Variants in CDK16 observed in about 807,000 individuals in gnomAD.
The protein encoded by CDK16 is cyclin-dependent kinase 16.
Under a neutral mutation model 41.6 loss-of-function variants are expected in CDK16, and 2 were observed. The ratio of observed to expected loss-of-function variants is 0.05; its 90% CI spans 0.02 to 0.15. The LOEUF (loss-of-function observed/expected upper bound fraction) is 0.15. Among genes scored for constraint, CDK16 ranks in the 10% least tolerant of loss-of-function variants. The pLI is 1.00. For synonymous variants in CDK16, 169 were observed against 169.7 expected (o/e 1.00, Z 0.03); for missense variants, 228 against 428.9 (o/e 0.53, Z 4.14).
intron 8 of CDK16, 123 bp from the exon 9 acceptor site, chrX:47,226,156 C>A: frequency 8.9e-7 from 1 of 1,120,357 alleles, no homozygotes; most frequent in South Asian, 1.9e-5. Context: ...CACTGGGACC[C>A]TGTCCTCTTT....
chrX:47,222,978 A>C, intron 1 of CDK16: 8 of 524,270 alleles, frequency 1.5e-5, no homozygotes, highest in Middle Eastern at 6.6e-4. Context: ...ACCTGGGTAG[A>C]TGAATGGGAT....
intron 6 of CDK16, among the ~76,000 whole-genome samples, chrX:47,225,494 C>A (rs747000890): frequency 1.8e-5 from 2 of 112,051 alleles, no homozygotes; most frequent in East Asian, 5.6e-4. Flanking sequence ...AAACCAAAAA[C>A]AGGTTGTGAA....
At chrX:47,222,567 C>T (rs1165078590) in intron 1 of CDK16, among the ~76,000 whole-genome samples, 1 of 101,103 alleles carries the variant, frequency 9.9e-6, no homozygotes, top group East Asian at 3.2e-4. Flanking sequence ...AAGGGTGTTC[C>T]AGGTACCAGG....
At chrX:47,223,022 G>C (rs1332131327) in intron 1 of CDK16, 2 of 1,122,237 alleles carry the variant, frequency 1.8e-6, no homozygotes, top group Non-Finnish European at 2.3e-6. Flanking sequence ...GAGTGCTAGA[G>C]AAGTCAGGAA....
At position 47,226,530 on chromosome X, in the gene CDK16, C is replaced by T. The variant is rs1453578934; in HGVS notation, c.917-53C>T. The stretch of plus-strand genomic sequence containing the variant: ...CCCTCAGTCTCAACTGCACTCTCCC[C>T]GAGACTTTGCCCATGACTCCCTCAT... On this transcript the variant is annotated intron_variant, in intron 9 of 15. Coordinates refer to ENST00000357227, the MANE Select transcript of CDK16 (RefSeq NM_006201.5). 8.3e-6 allele frequency: 10 copies of T among 1,200,780 alleles called. No homozygotes were observed. The South Asian group carries it at 1.3e-4, about 15-fold the overall frequency.
rs772418422 is a variant in CDK16, at chrX:47,226,376, G to A, written c.890G>A (p.Arg297Lys). 91 of 1,207,721 alleles carry A rather than the reference G, an allele frequency of 7.5e-5. 1 individual carries two copies. In the Admixed American group the frequency reaches 2.0e-3, roughly 27 times the overall value. The change falls in exon 9 of 16, where the codon AGG becomes AAG. Residue 297 changes from arginine (R) to lysine (K), a missense_variant. Around this residue, in one of 3 missense-constraint regions of CDK16, gnomAD observed 66 missense variants for 197.2 expected, o/e 0.33. Transcript: ENST00000357227. ...LKPQNLLINERGELKLADFGL... is the reference protein window; with the variant it reads ...LKPQNLLINEKGELKLADFGL... ...CCCCAGAACCTGCTCATCAACGAGA[G>A]GGGAGAGCTCAAGCTGGCTGACTTT...
In CDK16 at chrX:47,226,057, AG is replaced by A. The variant is rs753301154; in HGVS notation, c.792+35del. On this transcript the variant is annotated intron_variant, in intron 8 of 15. Transcript: ENST00000357227. ...GTGTGGGGCAGGAAGCAGGGGCACA[AG>A]GGGGCCCCCACTCACCCACTCCAAC... The A allele has an allele frequency of 5.0e-5, 59 of 1,173,064 alleles. No individual in the cohort carries two copies. The South Asian group carries it at 1.0e-3, about 20-fold the overall frequency.
intron 14 of CDK16, chrX:47,227,731 G>T (rs1391503503): frequency 2.7e-6 from 1 of 365,368 alleles, no homozygotes; most frequent in Admixed American, 5.2e-5. Flanking sequence ...TTCCTTACAT[G>T]TGCTAAAAAA....
Position 47,218,737 on chromosome X carries a change from G to A in CDK16, c.-375G>A, listed in dbSNP as rs1246755974. On this transcript the variant is annotated 5_prime_UTR_variant, in exon 1 of 16. Transcript: ENST00000357227. ...ATGCGCGGAGCGCGGCGCGCGCGGC[G>A]GTTGGGCCGTTGGCTGTTCGGCCCT... 1 of 1,161,079 alleles carries A rather than the reference G, an allele frequency of 8.6e-7. No individual in the cohort carries two copies. The highest frequency in any genetic ancestry group is 2.6e-5 in the Admixed American group (1 of 38,017).
In CDK16 at chrX:47,226,843, A is replaced by G; in HGVS notation, c.1069A>G (p.Thr357Ala). 1 of 1,209,783 alleles carries G rather than the reference A, an allele frequency of 8.3e-7. No homozygotes were observed. The highest frequency in any genetic ancestry group is 1.7e-5 in the African/African-American group (1 of 57,974). ...GVGCIFYEMA[T>A]GRPLFPGSTV... The stretch of plus-strand genomic sequence containing the variant: ...GGGCTGCATCTTCTATGAGATGGCC[A>G]CAGGCCGTCCCCTCTTTCCGGGCTC... The change falls in exon 11 of 16, where the codon ACA becomes GCA. Residue 357 changes from threonine (T) to alanine (A), a missense_variant. Transcript: ENST00000357227.
In CDK16 at chrX:47,229,300, T is replaced by G. The variant is rs1374273173; in HGVS notation, c.*532T>G. 1 of 221,142 alleles carries G rather than the reference T, an allele frequency of 4.5e-6. No homozygotes were observed. Among genetic ancestry groups the G allele is most frequent in the African/African-American group, 3.0e-5 (1 of 32,810 alleles). 18.2% of individuals were successfully genotyped at this position (221,142 alleles called of 1,213,427 possible). The stretch of plus-strand genomic sequence containing the variant: ...TTAATTATTTTAAATGAGATTTTTG[T>G]TTTTTTTAAATGCAATATCTCTGTA... On this transcript the variant is annotated 3_prime_UTR_variant, in exon 16 of 16. Transcript: ENST00000357227.
In CDK16 at chrX:47,229,490, C is replaced by T. The variant is rs988556830; in HGVS notation, c.*722C>T. ...TATGGGAAAGCATGCCACAGCCACT[C>T]GCCTTCCTACCCCCGCCCGCCATCC... On this transcript the variant is annotated 3_prime_UTR_variant, in exon 16 of 16. Transcript: ENST00000357227. 2.5e-5 allele frequency: 7 copies of T among 280,828 alleles called. No individual in the cohort carries two copies. Among genetic ancestry groups the T allele is most frequent in the Admixed American group, 4.0e-5 (1 of 25,010 alleles). 23.1% of individuals were successfully genotyped at this position (280,828 alleles called of 1,213,427 possible).
rs1937529920 is a variant in CDK16, at chrX:47,225,653, T to C, written c.635-119T>C. ...AGCTGGTGGCTCCGAGGCATTACCC[T>C]GAACTGTCTAGAGAAAGAAAGAAAA... is the stretch of plus-strand genomic sequence containing the variant. On this transcript the variant is annotated intron_variant, in intron 6 of 15. Transcript: ENST00000357227. 5 of 524,635 alleles carry C rather than the reference T, an allele frequency of 9.5e-6. No individual in the cohort carries two copies. The East Asian group carries it at 1.4e-4, about 15-fold the overall frequency. The allele number at this position is 524,635 out of a possible 1,213,427, so 43.2% of individuals were successfully genotyped here.
chrX:47,221,901 C>G (rs1037264487), intron 1 of CDK16, among the ~76,000 whole-genome samples: 2 of 111,788 alleles, frequency 1.8e-5, no homozygotes, highest in Non-Finnish European at 3.8e-5. Context: ...CTCCTCAAAT[C>G]CAGCCCCAGT....
Position 47,228,923 on chromosome X carries a change from A to G in CDK16, c.*155A>G. ...CCCCTGCTGCCTGCCCAAACACCCC[A>G]CCATTGGCCTGTCAACCCACCCATT... On this transcript the variant is annotated 3_prime_UTR_variant, in exon 16 of 16. Transcript: ENST00000357227. 1.8e-6 allele frequency: 1 copy of G among 568,406 alleles called. No individual in the cohort carries two copies. Among genetic ancestry groups the G allele is most frequent in the Non-Finnish European group, 3.0e-6 (1 of 337,417 alleles). The allele number at this position is 568,406 out of a possible 1,213,427, so 46.8% of individuals were successfully genotyped here.
chrX:47,219,777 T>C (rs1316060952), intron 1 of CDK16, among the ~76,000 whole-genome samples: 1 of 108,061 alleles, frequency 9.3e-6, no homozygotes, highest in Non-Finnish European at 1.9e-5. Context: ...AGGACTCGAG[T>C]GTGGTGTGTG....
intron 2 of CDK16, 53 bp from the exon 3 acceptor site, chrX:47,224,332 T>G (rs760148347): frequency 4.4e-6 from 5 of 1,125,881 alleles, no homozygotes; most frequent in Non-Finnish European, 5.9e-6. Context: ...GGATGGGGTG[T>G]CCTGTGGTTC....
At chrX:47,224,253 C>T in intron 2 of CDK16, 132 bp from the exon 3 acceptor site, 1 of 676,723 alleles carries the variant, frequency 1.5e-6, no homozygotes, top group Non-Finnish European at 2.2e-6. Flanking sequence ...CACCCTCTCC[C>T]CGAGGGACTC....
Position 47,223,647 on chromosome X carries a change from G to A in CDK16, c.90G>A (p.Gln30=), listed in dbSNP as rs1937444228. ...ACAAGACCAATGGTGCCCCTGAGCAGATAGGCCTGGATGAGAGTGGTGGTG... is the reference window on the plus strand; with the variant it reads ...ACAAGACCAATGGTGCCCCTGAGCAAATAGGCCTGGATGAGAGTGGTGGTG... The part of the protein sequence containing the change: ...GIDKTNGAPE[Q]IGLDESGGGG... The change falls in exon 2 of 16, where the codon CAG becomes CAA. Residue 30 remains glutamine (Q), a synonymous_variant. Coordinates refer to ENST00000357227, the MANE Select transcript of CDK16 (RefSeq NM_006201.5). 1 of 1,209,592 alleles carries A rather than the reference G, an allele frequency of 8.3e-7. No individual in the cohort carries two copies. Among genetic ancestry groups the A allele is most frequent in the Non-Finnish European group, 1.1e-6 (1 of 894,894 alleles).
Sources: allele counts gnomAD v4.1 joint callset (sites outside exome capture counted in the v4.1 genomes callset), GRCh38; gene constraint gnomAD v4.1.1; regional missense constraint gnomAD v4.1.1; transcripts MANE v1.5; gene names NCBI Gene and HGNC (gene_info 2026-07-23, HGNC 2026-07-21).